RIPOR3: variants seen among roughly 807,000 people sequenced by gnomAD.
RIPOR3 encodes RIPOR family member 3.
In RIPOR3, 95 loss-of-function variants were observed where a neutral mutation model predicts 114.3. The ratio of observed to expected loss-of-function variants is 0.83; its 90% confidence interval spans 0.70 to 0.99. RIPOR3 has a LOEUF of 0.99. RIPOR3 is among the 50% of genes least tolerant of loss of function. The pLI, the probability that RIPOR3 is intolerant of heterozygous loss-of-function variation, is 0.00. For synonymous variants in RIPOR3, 575 were observed against 543.8 expected, an observed-to-expected ratio of 1.06 and a Z score of -0.80; for missense variants, 1,252 against 1,266.9, an observed-to-expected ratio of 0.99 and a Z score of 0.18.
At chr20:50,597,846 G>C (rs6012972) in intron 13 of RIPOR3, 136 bp from the exon 14 acceptor site, 940,804 of 1,342,294 alleles carry the variant, frequency 0.7, 330,902 homozygotes, top group Middle Eastern at 0.79. Context: ...TCCCCCAGCA[G>C]AAGCCCAGCC....
intron 4 of RIPOR3, among the ~76,000 whole-genome samples, chr20:50,611,745 A>T (rs1330721655): frequency 6.6e-6 from 1 of 152,162 alleles, no homozygotes; most frequent in Non-Finnish European, 1.5e-5. Context: ...AGGGCAGGCA[A>T]ACCTTTCTAT....
chr20:50,611,122 G>A lies in RIPOR3; in HGVS notation c.372+59C>T, dbSNP rs1600562371. 1.9e-6 allele frequency: 3 copies of A among 1,612,352 alleles called. No individual in the cohort carries two copies. In the East Asian group the frequency reaches 6.7e-5, roughly 36 times the overall value. ...CAGGCAGCCAGGAAGATGCAATGAG[G>A]CACAGTCATTCTCATCCAGCCAGGC... On this transcript the variant is annotated intron_variant, in intron 5 of 21. Transcript: ENST00000327979.
At chr20:50,689,323 G>T (rs545434997) in intron 1 of RIPOR3, among the ~76,000 whole-genome samples, 24 of 151,922 alleles carry the variant, frequency 1.6e-4, no homozygotes, top group African/African-American at 5.3e-4. Context: ...CTATAGGCAC[G>T]CACCACCACG....
intron 1 of RIPOR3, among the ~76,000 whole-genome samples, chr20:50,634,385 A>G (rs2084917831): frequency 6.6e-6 from 1 of 151,876 alleles, no homozygotes; most frequent in Admixed American, 6.6e-5. Flanking sequence ...TTCAGCCCAG[A>G]TGTCCCCTCC....
chr20:50,686,218 A>G (rs1450592284), intron 1 of RIPOR3, among the ~76,000 whole-genome samples: 4 of 151,536 alleles, frequency 2.6e-5, no homozygotes, highest in South Asian at 4.2e-4. Context: ...CACCATGCCC[A>G]GCTAATTTTT....
In RIPOR3 at chr20:50,587,830, C is replaced by T. The variant is rs200228661; in HGVS notation, c.2724G>A (p.Ala908=). The change falls in exon 21 of 22, where the codon GCG becomes GCA. Residue 908 remains alanine (A), a synonymous_variant. Transcript: ENST00000327979. ...LCQSDLEAVR[A]AARETTLSFG... ...ACGACAGTGTGGTTTCCCGGGCTGC[C>T]GCCCGCACGGCCTCCAGGTCAGACT... 1,019 of 1,614,198 alleles carry T rather than the reference C, an allele frequency of 6.3e-4. No homozygotes were observed. The highest frequency in any genetic ancestry group is 7.8e-4 in the Admixed American group (47 of 60,030).
chr20:50,667,320 G>A (rs1428954449), intron 1 of RIPOR3, among the ~76,000 whole-genome samples: 1 of 121,048 alleles, frequency 8.3e-6, no homozygotes, highest in Admixed American at 1.1e-4. Context: ...TTGAGAGGGA[G>A]TCTCGCTCTG....
intron 1 of RIPOR3, among the ~76,000 whole-genome samples, chr20:50,679,636 G>A (rs567378392): frequency 1.3e-5 from 2 of 151,484 alleles, no homozygotes; most frequent in South Asian, 4.2e-4. Flanking sequence ...GGGCGTGGTG[G>A]CGCTCACCTG....
chr20:50,589,610 T>C, intron 20 of RIPOR3, 76 bp downstream of exon 20: 1 of 1,476,776 alleles, frequency 6.8e-7, no homozygotes. Context: ...TGGAATCATT[T>C]TGAAGTTAAC....
At chr20:50,626,485 T>G (rs1207845764) in intron 2 of RIPOR3, among the ~76,000 whole-genome samples, 3 of 152,172 alleles carry the variant, frequency 2.0e-5, no homozygotes, top group Non-Finnish European at 4.4e-5. Flanking sequence ...ACCTCTGTCC[T>G]CCTTCCTCCC....
chr20:50,594,944 T>C (rs1181945828), intron 16 of RIPOR3: 2 of 537,098 alleles, frequency 3.7e-6, no homozygotes, highest in South Asian at 5.2e-5. Flanking sequence ...GGGGCTGCTG[T>C]CACCAGCCTC....
chr20:50,649,690 G>C (rs2426193), intron 1 of RIPOR3, among the ~76,000 whole-genome samples: 21,888 of 151,984 alleles, frequency 0.14, 2,169 homozygotes, highest in African/African-American at 0.29. Context: ...GGTGAGGTTC[G>C]CTCAGCCCAG....
chr20:50,672,144 T>C (rs1335055476), intron 1 of RIPOR3, among the ~76,000 whole-genome samples: 3 of 152,118 alleles, frequency 2.0e-5, no homozygotes, highest in African/African-American at 7.2e-5. Context: ...TAAGTCCCGA[T>C]GGGGCTGTGA....
intron 13 of RIPOR3, among the ~76,000 whole-genome samples, chr20:50,600,537 T>C (rs543294181): frequency 3.9e-5 from 6 of 152,182 alleles, no homozygotes; most frequent in African/African-American, 1.4e-4. Flanking sequence ...GGCACGAGGA[T>C]TGCATGAGTC....
chr20:50,679,123 A>ATATATAT (rs1473343687), intron 1 of RIPOR3, among the ~76,000 whole-genome samples: 27 of 79,150 alleles, frequency 3.4e-4, no homozygotes, highest in East Asian at 1.6e-3. Flanking sequence ...AAAAAAAAAA[A>ATATATAT]AAAAAAAAAA....
Position 50,609,689 on chromosome 20 carries a change from A to T in RIPOR3, c.460T>A (p.Cys154Ser), listed in dbSNP as rs1298023833. 2 of 1,393,606 alleles carry T rather than the reference A, an allele frequency of 1.4e-6. No individual in the cohort carries two copies. Among genetic ancestry groups the T allele is most frequent in the African/African-American group, 1.5e-5 (1 of 65,634 alleles). 86.3% of individuals were successfully genotyped at this position (1,393,606 alleles called of 1,614,324 possible). A position where few individuals can be genotyped will look rare whatever the true frequency, so the allele number is the denominator to read the frequency against. ...DELYEDYCIQ[C>S]RLRDGASSMQ... ...CTGGAGGCGCCGTCGCGCAGGCGGCACTGGATGCAGTAGTCCTCGTACAGC... is the reference window on the plus strand; with the variant it reads ...CTGGAGGCGCCGTCGCGCAGGCGGCTCTGGATGCAGTAGTCCTCGTACAGC... The change falls in exon 7 of 22, where the codon TGC (cysteine) becomes AGC (serine). Residue 154 changes from cysteine to serine, a missense_variant. Coordinates refer to ENST00000327979, the MANE Select transcript of RIPOR3 (RefSeq NM_001290268.2).
chr20:50,617,628 C>CTT lies in RIPOR3; in HGVS notation c.270-1550_270-1549dup, dbSNP rs71190578. On this transcript the variant is annotated intron_variant, in intron 3 of 21. Transcript: ENST00000327979. ...ACCATTTCATTCTAAGGTGGTTTCC[C>CTT]TTTTTTTTTTTTTTTTTTTTTGAGT... Among the ~76,000 whole-genome samples the CTT allele has an allele frequency of 9.6e-3, 1,056 of 110,398 alleles. 42 individuals are homozygous for CTT. The highest frequency in any genetic ancestry group is 0.027 in the African/African-American group (694 of 25,928). 72.4% of individuals were successfully genotyped at this position (110,398 alleles called of 152,430 possible). A position where few individuals can be genotyped will look rare whatever the true frequency, so the allele number is the denominator to read the frequency against.
chr20:50,636,843 C>G, intron 1 of RIPOR3: 1 of 985,464 alleles, frequency 1.0e-6, no homozygotes, highest in African/African-American at 1.7e-5. Flanking sequence ...CCAGAGGGAA[C>G]CTGCAATTTC....
intron 1 of RIPOR3, among the ~76,000 whole-genome samples, chr20:50,678,607 G>A (rs1166398512): frequency 2.0e-5 from 3 of 152,168 alleles, no homozygotes; most frequent in African/African-American, 7.2e-5. Flanking sequence ...ACAAAAGATC[G>A]GAACTGATCT....
Sources: allele counts gnomAD v4.1 joint callset (sites outside exome capture counted in the v4.1 genomes callset), GRCh38; gene constraint gnomAD v4.1.1; transcripts MANE v1.5; gene names NCBI Gene and HGNC (gene_info 2026-07-23, HGNC 2026-07-21).